Variants in PCDHA6 observed in about 807,000 individuals in gnomAD.
PCDHA6 encodes protocadherin alpha-6.
A neutral mutation model predicts 60.3 loss-of-function variants in PCDHA6; 55 were observed. The observed-to-expected ratio is 0.91, with a 90% CI of 0.73 to 1.14. The LOEUF is 1.14. Ranked by LOEUF, PCDHA6 falls within the 50% of genes most tolerant of loss-of-function variation. The pLI, the probability that PCDHA6 is intolerant of heterozygous loss-of-function variation, is 0.00. For missense variants in PCDHA6, 1,327 were observed against 1,256.5 expected, an observed-to-expected ratio of 1.06 and a Z score of -0.85; for synonymous variants, 652 against 557.9, an observed-to-expected ratio of 1.17 and a Z score of -2.38.
At chr5:140,877,575 C>G (rs1244471489) in intron 1 of PCDHA6, 1 of 1,613,708 alleles carries the variant, frequency 6.2e-7, no homozygotes, top group East Asian at 2.2e-5. Context: ...TGTACCTCAT[C>G]ATCGCCATCT....
At chr5:140,854,131 C>T in intron 1 of PCDHA6, 1 of 404,286 alleles carries the variant, frequency 2.5e-6, no homozygotes, top group Non-Finnish European at 3.3e-6. Flanking sequence ...AACTGCATTT[C>T]AGCCCGGGTG....
In PCDHA6 at chr5:140,883,629, C is replaced by T. The variant is rs1467301210; in HGVS notation, c.2394+53144C>T. ...GCCGACGTGAACGACAACGCGCCGGCGTTCGCGCAGCCCGAGTACACGGTG... is the reference window on the plus strand; with the variant it reads ...GCCGACGTGAACGACAACGCGCCGGTGTTCGCGCAGCCCGAGTACACGGTG... On this transcript the variant is annotated intron_variant, in intron 1 of 3. Transcript: ENST00000529310. 6.2e-7 allele frequency: 1 copy of T among 1,613,868 alleles called. No individual in the cohort carries two copies. Among genetic ancestry groups the T allele is most frequent in the African/African-American group, 1.3e-5 (1 of 74,936 alleles).
chr5:140,929,225 C>T (rs1249117880), intron 1 of PCDHA6: 2 of 1,613,724 alleles, frequency 1.2e-6, no homozygotes, highest in Non-Finnish European at 1.7e-6. Flanking sequence ...TACAATGCTG[C>T]CGACCTGCGA....
intron 1 of PCDHA6, chr5:140,849,696 T>C (rs2150445431): frequency 6.3e-7 from 1 of 1,598,686 alleles, no homozygotes; most frequent in South Asian, 1.1e-5. Context: ...GGTGTCCACC[T>C]ACAAGAATTA....
intron 1 of PCDHA6, chr5:140,927,790 G>C: frequency 6.2e-7 from 1 of 1,614,218 alleles, no homozygotes; most frequent in Non-Finnish European, 8.5e-7. Flanking sequence ...TGCTTCACTA[G>C]GTCCGCCTGA....
intron 1 of PCDHA6, among the ~76,000 whole-genome samples, chr5:140,952,804 C>T (rs191550367): frequency 2.6e-5 from 4 of 152,282 alleles, no homozygotes; most frequent in Non-Finnish European, 5.9e-5. Flanking sequence ...GCTCGCAGTT[C>T]TGCAGGCTGT....
intron 1 of PCDHA6, among the ~76,000 whole-genome samples, chr5:140,898,600 G>A (rs2066865388): frequency 6.6e-6 from 1 of 152,184 alleles, no homozygotes; most frequent in Non-Finnish European, 1.5e-5. Context: ...TAGCCTTGTA[G>A]TATAGTTTGA....
rs1367500775 is a variant in PCDHA6, at chr5:140,929,192, A to G, written c.2395-49757A>G. ...TCTCTGGGACTTGGTTCTGATAATA[A>G]CAGTTTGCTGTTGCGTGGGGAGTAC... On this transcript the variant is annotated intron_variant, in intron 1 of 3. Transcript: ENST00000529310. The G allele has an allele frequency of 8.1e-6, 13 of 1,614,124 alleles. 1 individual carries two copies. The highest frequency in any genetic ancestry group is 1.0e-5 in the Non-Finnish European group (12 of 1,180,018).
intron 1 of PCDHA6, chr5:140,871,303 G>T: frequency 6.2e-7 from 1 of 1,613,972 alleles, no homozygotes; most frequent in Non-Finnish European, 8.5e-7. Flanking sequence ...GTGCGCGCCG[G>T]GGAAGCCCAC....
chr5:140,848,754 A>T, intron 1 of PCDHA6: 1 of 1,593,142 alleles, frequency 6.3e-7, no homozygotes, highest in Non-Finnish European at 8.6e-7. Context: ...TTTGTTTGTG[A>T]ATTCTCGGAT....
intron 1 of PCDHA6, among the ~76,000 whole-genome samples, chr5:140,922,192 T>A (rs1279791359): frequency 6.6e-6 from 1 of 152,158 alleles, no homozygotes; most frequent in East Asian, 1.9e-4. Context: ...AAAAGTCTTA[T>A]CTTTAATGAA....
At chr5:140,849,603 G>T in intron 1 of PCDHA6, 1 of 1,598,696 alleles carries the variant, frequency 6.3e-7, no homozygotes, top group Non-Finnish European at 8.6e-7. Context: ...GACAGTTATT[G>T]CCCTGATTAG....
rs2150365514 is a variant in PCDHA6 at position 140,843,720 on chromosome 5, G to C, written c.2394+13235G>C. 5.1e-6 allele frequency: 8 copies of C among 1,565,554 alleles called. 1 individual carries two copies. The South Asian group carries it at 9.0e-5, about 18-fold the overall frequency. ...AATGTTGATCATGGCCTCAAAGTAA[G>C]TCCATTTAAATTTAGAACTCATAAA... is the stretch of plus-strand genomic sequence containing the variant. On this transcript the variant is annotated intron_variant, in intron 1 of 3. Coordinates refer to ENST00000529310, the MANE Select transcript of PCDHA6 (RefSeq NM_018909.4).
intron 1 of PCDHA6, among the ~76,000 whole-genome samples, chr5:140,890,753 C>A (rs1274674281): frequency 3.3e-5 from 5 of 152,114 alleles, no homozygotes; most frequent in Admixed American, 2.6e-4. Flanking sequence ...TTCTGTCATG[C>A]TTTAAAAATA....
intron 1 of PCDHA6, chr5:140,842,865 G>T (rs146195620): frequency 0.01 from 16,276 of 1,593,984 alleles, 1,624 homozygotes; most frequent in Non-Finnish European, 0.012. Flanking sequence ...ACGGAGAGCG[G>T]CAAGGTGTAC....
intron 1 of PCDHA6, chr5:140,834,576 C>G: frequency 2.5e-6 from 4 of 1,614,098 alleles, no homozygotes; most frequent in Non-Finnish European, 2.5e-6. Flanking sequence ...GCGCCTGTTC[C>G]GGGCGGTGTG....
chr5:140,945,635 T>C (rs1200996842), intron 1 of PCDHA6, among the ~76,000 whole-genome samples: 1 of 152,024 alleles, frequency 6.6e-6, no homozygotes, highest in Admixed American at 6.5e-5. Context: ...ATAAAAGACA[T>C]GTAGACCAAT....
At chr5:140,903,313 C>G (rs974760383) in intron 1 of PCDHA6, among the ~76,000 whole-genome samples, 2 of 152,088 alleles carry the variant, frequency 1.3e-5, no homozygotes, top group South Asian at 4.1e-4. Context: ...ACAATAAAGA[C>G]AGCATTTTTA....
chr5:140,937,219 T>C lies in PCDHA6; in HGVS notation c.2395-41730T>C, dbSNP rs555881657. Among the ~76,000 whole-genome samples the C allele has an allele frequency of 5.4e-3, 826 of 151,832 alleles. 4 individuals are homozygous for C. Among genetic ancestry groups the C allele is most frequent in the African/African-American group, 0.019 (796 of 41,458 alleles). ...TGCCCGGCTAATTTTTTGTATTTTT[T>C]GTAGAGACGGGGTTTCACCGTGTTA... On this transcript the variant is annotated intron_variant, in intron 1 of 3. Coordinates refer to ENST00000529310, the MANE Select transcript of PCDHA6 (RefSeq NM_018909.4).
Sources: allele counts gnomAD v4.1 joint callset (sites outside exome capture counted in the v4.1 genomes callset), GRCh38; gene constraint gnomAD v4.1.1; transcripts MANE v1.5; gene names NCBI Gene and HGNC (gene_info 2026-07-23, HGNC 2026-07-21).